Variants in GHSR observed in about 807,000 individuals in gnomAD.
The protein encoded by GHSR is growth hormone secretagogue receptor.
In GHSR, 17 loss-of-function variants were observed where a neutral mutation model predicts 24.0. That is an observed-to-expected ratio of 0.71 (90% CI 0.49 to 1.06). The LOEUF (loss-of-function observed/expected upper bound fraction) is 1.06. Among genes scored for constraint, GHSR ranks in the 50% least tolerant of loss-of-function variants. The pLI, the probability that GHSR is intolerant of heterozygous loss-of-function variation, is 0.00. For synonymous variants in GHSR, 238 were observed against 208.1 expected, an observed-to-expected ratio of 1.14 and a Z score of -1.24; for missense variants, 504 against 483.1, an observed-to-expected ratio of 1.04 and a Z score of -0.41.
intron 1 of GHSR, 156 bp from the exon 2 acceptor site, chr3:172,445,621 T>C (rs990384982): frequency 6.8e-6 from 2 of 295,024 alleles, no homozygotes; most frequent in African/African-American, 4.5e-5. Context: ...TTAACAAAGA[T>C]TCAGTCTGTC....
chr3:172,445,711 T>C (rs1294905963), intron 1 of GHSR, among the ~76,000 whole-genome samples: 1 of 152,222 alleles, frequency 6.6e-6, no homozygotes, highest in Non-Finnish European at 1.5e-5. Context: ...TTGTACTGAG[T>C]TGACACATTG....
Position 172,448,394 on chromosome 3 carries a change from C to T in GHSR, c.20G>A (p.Ser7Asn), listed in dbSNP as rs899069867. 6.3e-7 allele frequency: 1 copy of T among 1,595,998 alleles called. No individual in the cohort carries two copies. Among genetic ancestry groups the T allele is most frequent in the African/African-American group, 1.3e-5 (1 of 74,832 alleles). ...TGTGAGGTTGAACCCCGGCTCTTCG[C>T]TGGGCGTCGCGTTCCACATGCTGCC... is the stretch of plus-strand genomic sequence containing the variant. MWNATPSEEPGFNLTLA... is the reference protein window; with the variant it reads MWNATPNEEPGFNLTLA... Residue 7 changes from serine to asparagine, a missense_variant, in exon 1 of 2, where the codon AGC becomes AAC. Ser to Asn is a conservative substitution (Grantham distance 46). Coordinates refer to ENST00000241256, the MANE Select transcript of GHSR (RefSeq NM_198407.2). This position sits in a 1 kb window ranked among gnomAD's most constrained non-coding sequence, Gnocchi z 4.8.
In GHSR at chr3:172,448,090, G is replaced by C. The variant is rs1190330659; in HGVS notation, c.324C>G (p.Pro108=). 1.9e-6 allele frequency: 3 copies of C among 1,614,234 alleles called. No individual in the cohort carries two copies. In the South Asian group the frequency reaches 3.3e-5, roughly 18 times the overall value. Residue 108 remains proline (P), a synonymous_variant, in exon 1 of 2, where the codon CCC becomes CCG. Coordinates refer to ENST00000241256, the MANE Select transcript of GHSR (RefSeq NM_198407.2). The surrounding 1 kb of genome is among the most constrained non-coding windows in gnomAD (Gnocchi z 4.8). ...TGCAGAGGAGGTCGCCGAAGTTCCA[G>C]GGCCGGTACTGCCAGAGGCGAACGA... ...LDLVRLWQYR[P]WNFGDLLCKL...
chr3:172,448,080 C>G lies in GHSR; in HGVS notation c.334G>C (p.Gly112Arg), dbSNP rs778233231. The change falls in exon 1 of 2, where the codon GGC (glycine) becomes CGC (arginine). Residue 112 changes from glycine (G) to arginine (R), a missense_variant. Physicochemically the swap from Gly to Arg is moderately radical, Grantham distance 125. Transcript: ENST00000241256. The surrounding 1 kb of genome is among the most constrained non-coding windows in gnomAD (Gnocchi z 4.8). ...TGGAAGAGTTTGCAGAGGAGGTCGC[C>G]GAAGTTCCAGGGCCGGTACTGCCAG... is the stretch of plus-strand genomic sequence containing the variant. ...RLWQYRPWNF[G>R]DLLCKLFQFV... The G allele has an allele frequency of 2.2e-5, 36 of 1,614,060 alleles. No individual in the cohort carries two copies. The highest frequency in any genetic ancestry group is 3.1e-5 in the Non-Finnish European group (36 of 1,180,054).
At chr3:172,447,490 C>A in intron 1 of GHSR, 128 bp downstream of exon 1, 1 of 1,520,128 alleles carries the variant, frequency 6.6e-7, no homozygotes, top group East Asian at 2.3e-5. Flanking sequence ...GAGACAGAGG[C>A]CCAGAGAAAC....
rs1560129699 is a variant in GHSR at position 172,448,094 on chromosome 3, C to A, written c.320G>T (p.Arg107Leu). 6.2e-7 allele frequency: 1 copy of A among 1,614,174 alleles called. No homozygotes were observed. Among genetic ancestry groups the A allele is most frequent in the South Asian group, 1.1e-5 (1 of 91,088 alleles). Residue 107 changes from arginine to leucine, a missense_variant, in exon 1 of 2, where the codon CGG becomes CTG. Transcript: ENST00000241256. The surrounding 1 kb of genome is among the most constrained non-coding windows in gnomAD (Gnocchi z 4.8). ...PLDLVRLWQY[R>L]PWNFGDLLCK... is the part of the protein sequence containing the mutation. ...GAGGAGGTCGCCGAAGTTCCAGGGC[C>A]GGTACTGCCAGAGGCGAACGAGGTC...
rs577106456 is a variant in GHSR at position 172,445,269 on chromosome 3, C to G, written c.993G>C (p.Arg331=). 6.2e-7 allele frequency: 1 copy of G among 1,614,086 alleles called. No individual in the cohort carries two copies. The highest frequency in any genetic ancestry group is 1.1e-5 in the South Asian group (1 of 91,068). The change falls in exon 2 of 2, where the codon CGG becomes CGC. Residue 331 remains arginine, a synonymous_variant. Coordinates refer to ENST00000241256, the MANE Select transcript of GHSR (RefSeq NM_198407.2). The part of the protein sequence containing the change: ...ILYNIMSKKY[R]VAVFRLLGFE... ...ATCCCAGAAGTCTGAACACTGCCAC[C>G]CGGTACTTCTTGGACATGATGTTGT...
In GHSR at chr3:172,448,313, A is replaced by G. The variant is rs150293762; in HGVS notation, c.101T>C (p.Leu34Pro). The change falls in exon 1 of 2, where the codon CTG (leucine) becomes CCG (proline). Residue 34 changes from leucine to proline, a missense_variant. Physicochemically the swap from Leu to Pro is moderately conservative, Grantham distance 98. Transcript: ENST00000241256. The surrounding 1 kb of genome is among the most constrained non-coding windows in gnomAD (Gnocchi z 4.8). ...SPGNDSLGDELLQLFPAPLLA... is the reference protein window; with the variant it reads ...SPGNDSLGDEPLQLFPAPLLA... ...CAGCGGCGCGGGGAAGAGCTGCAGC[A>G]GCTCGTCGCCCAGCGAGTCGTTGCC... 15 of 1,609,942 alleles carry G rather than the reference A, an allele frequency of 9.3e-6. No individual in the cohort carries two copies. Among genetic ancestry groups the G allele is most frequent in the Non-Finnish European group, 1.1e-5 (13 of 1,179,832 alleles).
Position 172,445,191 on chromosome 3 carries a change from C to T in GHSR, c.1071G>A (p.Arg357=). The T allele has an allele frequency of 6.2e-7, 1 of 1,614,052 alleles. No individual in the cohort carries two copies. Among genetic ancestry groups the T allele is most frequent in the Non-Finnish European group, 8.5e-7 (1 of 1,180,016 alleles). ...TATTAATACTAGATTCTGTCCAGGCCCGAGAACTTTCATCTTTCAGAGTGG... is the reference window on the plus strand; with the variant it reads ...TATTAATACTAGATTCTGTCCAGGCTCGAGAACTTTCATCTTTCAGAGTGG... ...KLSTLKDESS[R]AWTESSINT The change falls in exon 2 of 2, where the codon CGG becomes CGA. Residue 357 remains arginine, a synonymous_variant. Coordinates refer to ENST00000241256, the MANE Select transcript of GHSR (RefSeq NM_198407.2).
Position 172,443,811 on chromosome 3 carries a change from A to G in GHSR, c.*1350T>C, listed in dbSNP as rs1293318396. Among the ~76,000 whole-genome samples, 1 of 152,214 alleles carries G rather than the reference A, an allele frequency of 6.6e-6. No individual in the cohort carries two copies. The highest frequency in any genetic ancestry group is 1.9e-4 in the East Asian group (1 of 5,204). On this transcript the variant is annotated 3_prime_UTR_variant, in exon 2 of 2. Coordinates refer to ENST00000241256, the MANE Select transcript of GHSR (RefSeq NM_198407.2). Reference sequence around the variant, plus strand: ...ATATCTATCAGATAAGCAATGGGATATAAGCAGCAAAACTAATTTGGAGAC... The same window carrying G: ...ATATCTATCAGATAAGCAATGGGATGTAAGCAGCAAAACTAATTTGGAGAC...
rs982836269 is a variant in GHSR, at chr3:172,443,361, T to C, written c.*1800A>G. Among the ~76,000 whole-genome samples the C allele has an allele frequency of 5.9e-5, 9 of 152,098 alleles. No homozygotes were observed. The highest frequency in any genetic ancestry group is 2.2e-4 in the African/African-American group (9 of 41,418). ...CTAGTGTTCTGTATTTAGACCACAT[T>C]GGTGGTGCAGTTTTAGTGTCAGAAC... On this transcript the variant is annotated 3_prime_UTR_variant, in exon 2 of 2. Transcript: ENST00000241256.
In GHSR at chr3:172,447,772, C is replaced by T. The variant is rs752093730; in HGVS notation, c.642G>A (p.Val214=). 3 of 1,614,136 alleles carry T rather than the reference C, an allele frequency of 1.9e-6. No homozygotes were observed. In the East Asian group the frequency reaches 6.7e-5, roughly 36 times the overall value. The change falls in exon 1 of 2, where the codon GTG becomes GTA. Residue 214 remains valine (V), a synonymous_variant. Transcript: ENST00000241256. ...AVRSGLLTVM[V]WVSSIFFFLP... is the part of the protein sequence containing the mutation. ...GGAAGAAGAAGATGCTGGACACCCA[C>T]ACCATGACCGTGAGCAGTCCAGAGC...
Position 172,447,971 on chromosome 3 carries a change from GGGAAGCA to G in GHSR, c.436_442del (p.Cys146HisfsTer13). 1 of 1,614,144 alleles carries G rather than the reference GGGAAGCA, an allele frequency of 6.2e-7. No homozygotes were observed. Among genetic ancestry groups the G allele is most frequent in the Non-Finnish European group, 8.5e-7 (1 of 1,179,960 alleles). ...GGTGACCACCACCTTGGCCCGGAGTGGGAAGCAGATGGCGAAGTAGCGCTCGACGCTC... is the reference window on the plus strand; with the variant it reads ...GGTGACCACCACCTTGGCCCGGAGTGGATGGCGAAGTAGCGCTCGACGCTC... On this transcript the variant is annotated frameshift_variant, in exon 1 of 2. Coordinates refer to ENST00000241256, the MANE Select transcript of GHSR (RefSeq NM_198407.2). LOFTEE classifies it high-confidence loss of function.
Position 172,448,176 on chromosome 3 carries a change from G to A in GHSR, c.238C>T (p.Leu80Phe), listed in dbSNP as rs1251028985. The A allele has an allele frequency of 1.2e-6, 2 of 1,614,244 alleles. No individual in the cohort carries two copies. Among genetic ancestry groups the A allele is most frequent in the East Asian group, 2.2e-5 (1 of 44,880 alleles). Residue 80 changes from leucine (L) to phenylalanine (F), a missense_variant, in exon 1 of 2, where the codon CTC (leucine) becomes TTC (phenylalanine). By Grantham distance (22) the Leu-to-Phe change is conservative. Transcript: ENST00000241256. The surrounding 1 kb of genome is among the most constrained non-coding windows in gnomAD (Gnocchi z 4.8). ...RFRELRTTTN[L>F]YLSSMAFSDL... ...GAGAAGGCCATGCTGGACAGGTAGA[G>A]GTTGGTGGTGGTGCGCAGCTCGCGG...
In GHSR at chr3:172,448,308, G is replaced by A. The variant is rs1228365616; in HGVS notation, c.106C>T (p.Gln36Ter). The A allele has an allele frequency of 6.8e-6, 11 of 1,610,526 alleles. No individual in the cohort carries two copies. The Admixed American group carries it at 1.8e-4, about 27-fold the overall frequency. Residue 36 changes from glutamine to a stop codon, truncating the protein, a stop_gained, in exon 1 of 2, where the codon CAG (glutamine) becomes TAG (stop). Transcript: ENST00000241256. LOFTEE classifies it high-confidence loss of function. The surrounding 1 kb of genome is among the most constrained non-coding windows in gnomAD (Gnocchi z 4.8). ...GCCAGCAGCGGCGCGGGGAAGAGCT[G>A]CAGCAGCTCGTCGCCCAGCGAGTCG... ...GNDSLGDELL[Q>*]LFPAPLLAGV... is the part of the protein sequence containing the mutation.
Position 172,445,094 on chromosome 3 carries a change from A to G in GHSR, c.*67T>C. The G allele has an allele frequency of 6.4e-7, 1 of 1,565,128 alleles. No homozygotes were observed. Among genetic ancestry groups the G allele is most frequent in the Non-Finnish European group, 8.8e-7 (1 of 1,137,174 alleles). ...CAAAATTAACCTTCAGCTTCCTCCC[A>G]AGTTCTGCTGTGCTATGTCTTCCGG... On this transcript the variant is annotated 3_prime_UTR_variant, in exon 2 of 2. Coordinates refer to ENST00000241256, the MANE Select transcript of GHSR (RefSeq NM_198407.2).
In GHSR at chr3:172,447,654, T is replaced by G; in HGVS notation, c.760A>C (p.Arg254=). 1 of 1,614,088 alleles carries G rather than the reference T, an allele frequency of 6.2e-7. No homozygotes were observed. The highest frequency in any genetic ancestry group is 2.2e-5 in the East Asian group (1 of 44,880). Residue 254 remains arginine, a synonymous_variant, in exon 1 of 2, where the codon AGG becomes CGG. Transcript: ENST00000241256. The part of the protein sequence containing the change: ...RGDAVVGASL[R]DQNHKQTVKM... ...ACGGTTTGCTTGTGGTTCTGGTCCC[T>G]GAGCGAGGCACCCACGACAGCATCG...
intron 1 of GHSR, 36 bp from the exon 2 acceptor site, chr3:172,445,501 G>T: frequency 6.3e-7 from 1 of 1,582,884 alleles, no homozygotes; most frequent in Non-Finnish European, 8.6e-7. Context: ...GTCAGCTCAA[G>T]AAATGTCACA....
In GHSR at chr3:172,447,819, G is replaced by A. The variant is rs768503413; in HGVS notation, c.595C>T (p.Arg199Cys). Residue 199 changes from arginine to cysteine, a missense_variant, in exon 1 of 2, where the codon CGC becomes TGC. Coordinates refer to ENST00000241256, the MANE Select transcript of GHSR (RefSeq NM_198407.2). ...GAGCGCACCGCAAACTCGGTGGGGC[G>A]GCACTCGTTGGTGTCCCAAGGGTCG... ...GTDPWDTNEC[R>C]PTEFAVRSGL... 6.2e-7 allele frequency: 1 copy of A among 1,613,924 alleles called. No individual in the cohort carries two copies. Among genetic ancestry groups the A allele is most frequent in the Non-Finnish European group, 8.5e-7 (1 of 1,180,022 alleles).
Sources: gnomAD v4.1 joint callset for allele counts (sites outside exome capture counted in the v4.1 genomes callset) on GRCh38, gnomAD v4.1.1 for gene constraint, Gnocchi (gnomAD v3.1) non-coding constraint, MANE v1.5 for transcripts, NCBI Gene and HGNC (gene_info 2026-07-23, HGNC 2026-07-21) for gene names.